GGTLC1: variants seen among roughly 807,000 people sequenced by gnomAD.
GGTLC1 encodes gamma-glutamyltransferase light chain 1, also known as glutathione hydrolase light chain 1.
GGTLC1 carries 14 observed loss-of-function variants against 19.5 expected under a neutral mutation model. That is an observed-to-expected ratio of 0.72 (90% CI 0.47 to 1.12). The LOEUF (loss-of-function observed/expected upper bound fraction) is 1.12, where lower values mean the gene tolerates loss of function less well. Ranked by LOEUF, GGTLC1 falls within the 50% of genes most tolerant of loss-of-function variation. The probability of loss-of-function intolerance (pLI) is 0.00; values close to 1 mark genes in which losing one functional copy is unlikely to be tolerated. For missense variants in GGTLC1, 304 were observed against 309.2 expected (o/e 0.98, Z 0.13); for synonymous variants, 110 against 124.2 (o/e 0.89, Z 0.76).
Position 23,986,419 on chromosome 20 carries a change from G to A in GGTLC1, c.176+17C>T, listed in dbSNP as rs1402423534. 2.0e-5 allele frequency: 32 copies of A among 1,610,656 alleles called. No homozygotes were observed. Among genetic ancestry groups the A allele is most frequent in the African/African-American group, 6.7e-5 (5 of 74,820 alleles). On this transcript the variant is annotated intron_variant, in intron 2 of 5. Coordinates refer to ENST00000335694, the MANE Select transcript of GGTLC1 (RefSeq NM_178311.3). The stretch of plus-strand genomic sequence containing the variant: ...TCCCCTGGCCCTTTCCCACCCAGGC[G>A]GCCCAGCAGCCCCTACTAGAGGTTG...
Position 23,985,573 on chromosome 20 carries a change from C to A in GGTLC1, c.531+94G>T. Reference sequence around the variant, plus strand: ...TGGCCCAGGCACTAGAGAGAGGACACCAACCATTGTCCACTCTGTGATGAT... The same window carrying A: ...TGGCCCAGGCACTAGAGAGAGGACAACAACCATTGTCCACTCTGTGATGAT... On this transcript the variant is annotated intron_variant, in intron 5 of 5. Coordinates refer to ENST00000335694, the MANE Select transcript of GGTLC1 (RefSeq NM_178311.3). The A allele has an allele frequency of 1.9e-6, 3 of 1,602,324 alleles. No homozygotes were observed. In the African/African-American group the frequency reaches 4.0e-5, roughly 21 times the overall value.
Position 23,986,418 on chromosome 20 carries a change from C to G in GGTLC1, c.176+18G>C. 6.2e-7 allele frequency: 1 copy of G among 1,610,404 alleles called. No individual in the cohort carries two copies. The highest frequency in any genetic ancestry group is 8.5e-7 in the Non-Finnish European group (1 of 1,179,222). On this transcript the variant is annotated intron_variant, in intron 2 of 5. Coordinates refer to ENST00000335694, the MANE Select transcript of GGTLC1 (RefSeq NM_178311.3). ...CTCCCCTGGCCCTTTCCCACCCAGG[C>G]GGCCCAGCAGCCCCTACTAGAGGTT...
rs927717422 is a variant in GGTLC1 at position 23,986,438 on chromosome 20, G to C, written c.174C>G (p.Leu58=). ...SAVSATSTIN[L]YFGSKVRSPV... is the part of the protein sequence containing the mutation. ...CCAGGCGGCCCAGCAGCCCCTACTA[G>C]AGGTTGATGGTGCTGGTGGCGGACA... The change falls in exon 2 of 6, where the codon CTC becomes CTG. Residue 58 remains leucine (L), a splice_region_variant and synonymous_variant. Coordinates refer to ENST00000335694, the MANE Select transcript of GGTLC1 (RefSeq NM_178311.3). 4 of 1,611,736 alleles carry C rather than the reference G, an allele frequency of 2.5e-6. No individual in the cohort carries two copies. Among genetic ancestry groups the C allele is most frequent in the African/African-American group, 1.3e-5 (1 of 74,970 alleles).
intron 2 of GGTLC1, 28 bp from the exon 3 acceptor site, chr20:23,986,231 C>T (rs200907068): frequency 7.5e-6 from 12 of 1,598,080 alleles, no homozygotes; most frequent in Admixed American, 1.7e-5. Context: ...CAGACAGTGC[C>T]CGACCTTGCC....
At chr20:23,985,826 G>A (rs757120016) in intron 4 of GGTLC1, 36 bp downstream of exon 4, 1 of 1,612,058 alleles carries the variant, frequency 6.2e-7, no homozygotes, top group Non-Finnish European at 8.5e-7. Flanking sequence ...GCTGTGCAGG[G>A]TGGGCACGGC....
chr20:23,985,872 G>T lies in GGTLC1; in HGVS notation c.407C>A (p.Ala136Asp). Residue 136 changes from alanine to aspartate, a missense_variant, in exon 4 of 6, where the codon GCC (alanine) becomes GAC (aspartate). Transcript: ENST00000335694. Reference protein sequence around the residue: ...GAAGGTQITMATALAIIYNLW... With the variant: ...GAAGGTQITMDTALAIIYNLW... ...AGGTGTGACACATACCAGTGCAGTG[G>T]CCATGGTGATCTGCGTGCCCCCGGC... The T allele has an allele frequency of 6.2e-7, 1 of 1,612,062 alleles. No homozygotes were observed. The highest frequency in any genetic ancestry group is 8.5e-7 in the Non-Finnish European group (1 of 1,179,870).
intron 5 of GGTLC1, 130 bp downstream of exon 5, chr20:23,985,537 G>A: frequency 6.3e-7 from 1 of 1,585,826 alleles, no homozygotes; most frequent in African/African-American, 1.3e-5. Context: ...TCATGGCACA[G>A]GGGCTCCAGA....
Position 23,986,556 on chromosome 20 carries a change from G to C in GGTLC1, c.56C>G (p.Thr19Ser), listed in dbSNP as rs1269314223. 5 of 1,611,760 alleles carry C rather than the reference G, an allele frequency of 3.1e-6. No individual in the cohort carries two copies. The African/African-American group carries it at 6.7e-5, about 22-fold the overall frequency. Residue 19 changes from threonine to serine, a missense_variant, in exon 2 of 6, where the codon ACT (threonine) becomes AGT (serine). By Grantham distance (58) the Thr-to-Ser change is moderately conservative (BLOSUM62 1). Transcript: ENST00000335694. Reference protein sequence around the residue: ...QLRAQISDDTTHPISYYKPEF... With the variant: ...QLRAQISDDTSHPISYYKPEF... ...GGGCTTGTAGTAGGAGATCGGGTGA[G>C]TGGTGTCGTCAGAGATCTGGGCCCG...
chr20:23,987,214 A>T (rs574250828), intron 1 of GGTLC1, among the ~76,000 whole-genome samples: 1 of 152,332 alleles, frequency 6.6e-6, no homozygotes, highest in South Asian at 2.1e-4. Context: ...CTGAAGATGC[A>T]GGCTGGGGCC....
At chr20:23,988,079 C>T (rs1158030930) in intron 1 of GGTLC1, among the ~76,000 whole-genome samples, 3 of 91,692 alleles carry the variant, frequency 3.3e-5, no homozygotes, top group Non-Finnish European at 6.7e-5. Context: ...GAGTCTGGCT[C>T]TGTTGCCCAG....
chr20:23,985,460 C>T, intron 5 of GGTLC1, 98 bp from the exon 6 acceptor site: 1 of 1,607,232 alleles, frequency 6.2e-7, no homozygotes, highest in Non-Finnish European at 8.5e-7. Context: ...GGTGCCATTT[C>T]AGGCCAGGTC....
rs1987801604 is a variant in GGTLC1, at chr20:23,985,247, G to T, written c.647C>A (p.Ser216Tyr). ...GCCAGCAGGTTCCCCACCTTTCCTGGAGTCCGAGGCAGCTGCCCAGCCACC... is the reference window on the plus strand; with the variant it reads ...GCCAGCAGGTTCCCCACCTTTCCTGTAGTCCGAGGCAGCTGCCCAGCCACC... ...MAGGWAAASD[S>Y]RKGGEPAGY Residue 216 changes from serine (S) to tyrosine (Y), a missense_variant, in exon 6 of 6, where the codon TCC becomes TAC. Coordinates refer to ENST00000335694, the MANE Select transcript of GGTLC1 (RefSeq NM_178311.3). 6.2e-7 allele frequency: 1 copy of T among 1,611,884 alleles called. No individual in the cohort carries two copies.
At position 23,986,152 on chromosome 20, in the gene GGTLC1, T is replaced by G; in HGVS notation, c.228A>C (p.Glu76Asp). 3.1e-6 allele frequency: 5 copies of G among 1,613,786 alleles called. No homozygotes were observed. Among genetic ancestry groups the G allele is most frequent in the Non-Finnish European group, 1.7e-6 (2 of 1,179,820 alleles). ...TGCTGGTAGAGCTGAAGTCATCCATTTCATTATTGAGCAGGATCCCGCTGA... is the reference window on the plus strand; with the variant it reads ...TGCTGGTAGAGCTGAAGTCATCCATGTCATTATTGAGCAGGATCCCGCTGA... ...SPVSGILLNN[E>D]MDDFSSTSIT... Residue 76 changes from glutamate (E) to aspartate (D), a missense_variant, in exon 3 of 6, where the codon GAA becomes GAC. Physicochemically the swap from Glu to Asp is conservative, Grantham distance 45. Coordinates refer to ENST00000335694, the MANE Select transcript of GGTLC1 (RefSeq NM_178311.3).
intron 2 of GGTLC1, 27 bp downstream of exon 2, chr20:23,986,409 C>T (rs1420968460): frequency 4.3e-6 from 7 of 1,609,740 alleles, no homozygotes; most frequent in Non-Finnish European, 5.9e-6. Context: ...TGGCCCTTTC[C>T]CACCCAGGCG....
intron 1 of GGTLC1, among the ~76,000 whole-genome samples, chr20:23,988,303 C>T (rs976980709): frequency 1.5e-4 from 23 of 151,748 alleles, no homozygotes; most frequent in African/African-American, 5.6e-4. Context: ...GCTCCGACCT[C>T]CCAAAGTGCT....
At chr20:23,987,060 G>A (rs567831572) in intron 1 of GGTLC1, among the ~76,000 whole-genome samples, 34 of 152,302 alleles carry the variant, frequency 2.2e-4, no homozygotes, top group Admixed American at 1.8e-3. Context: ...GGGCAGAGTG[G>A]TTAGGGAGAG....
chr20:23,985,292 T>C lies in GGTLC1; in HGVS notation c.602A>G (p.Gln201Arg). 1 of 1,612,018 alleles carries C rather than the reference T, an allele frequency of 6.2e-7. No individual in the cohort carries two copies. Among genetic ancestry groups the C allele is most frequent in the Non-Finnish European group, 8.5e-7 (1 of 1,179,856 alleles). ...QITSTFIAVV[Q>R]AIVRMAGGWA... is the part of the protein sequence containing the mutation. Reference sequence around the variant, plus strand: ...GCCACCAGCCATGCGGACGATGGCTTGCACCACAGCAATGAAGGTGGACGT... The same window carrying C: ...GCCACCAGCCATGCGGACGATGGCTCGCACCACAGCAATGAAGGTGGACGT... Residue 201 changes from glutamine to arginine, a missense_variant, in exon 6 of 6, where the codon CAA becomes CGA. Coordinates refer to ENST00000335694, the MANE Select transcript of GGTLC1 (RefSeq NM_178311.3).
chr20:23,985,108 G>T lies in GGTLC1; in HGVS notation c.*108C>A. 3 of 1,534,888 alleles carry T rather than the reference G, an allele frequency of 2.0e-6. No individual in the cohort carries two copies. Among genetic ancestry groups the T allele is most frequent in the Non-Finnish European group, 2.7e-6 (3 of 1,128,282 alleles). On this transcript the variant is annotated 3_prime_UTR_variant, in exon 6 of 6. Coordinates refer to ENST00000335694, the MANE Select transcript of GGTLC1 (RefSeq NM_178311.3). ...GCCTGGCACAGTGGCCTCATTTATT[G>T]TGCTGCTCTGCTGCTCACAGGAGAA...
intron 5 of GGTLC1, 69 bp downstream of exon 5, chr20:23,985,598 T>C: frequency 6.2e-7 from 1 of 1,609,336 alleles, no homozygotes; most frequent in Non-Finnish European, 8.5e-7. Flanking sequence ...TCTGTGATGA[T>C]CCAGGCCTCC....
Sources: gnomAD v4.1 joint callset for allele counts (sites outside exome capture counted in the v4.1 genomes callset) on GRCh38, gnomAD v4.1.1 for gene constraint, MANE v1.5 for transcripts, NCBI Gene and HGNC (gene_info 2026-07-23, HGNC 2026-07-21) for gene names.